The following C5 variants were observed in gnomAD, a reference collection of about 807,000 sequenced individuals.
The protein encoded by C5 is C3 and PZP-like alpha-2-macroglobulin domain-containing protein 4.
A neutral mutation model predicts 218.8 loss-of-function variants in C5; 140 were observed. The ratio of observed to expected loss-of-function variants is 0.64; its 90% CI spans 0.56 to 0.74. C5 has a LOEUF of 0.74. C5 is among the 30% of genes least tolerant of loss of function. C5 has a pLI of 0.00. For missense variants in C5, 1,700 were observed against 1,969.6 expected, an observed-to-expected ratio of 0.86 and a Z score of 2.59; for synonymous variants, 614 against 682.3, an observed-to-expected ratio of 0.90 and a Z score of 1.56.
intron 28 of C5, 142 bp downstream of exon 28, chr9:120,979,941 T>C: frequency 1.4e-6 from 1 of 715,596 alleles, no homozygotes; most frequent in Non-Finnish European, 2.5e-6. Context: ...ACGGCACACA[T>C]TACATCGTAT....
chr9:121,061,128 T>C, the C5 span, among the ~76,000 whole-genome samples: 1 of 152,052 alleles, frequency 6.6e-6, no homozygotes, highest in Non-Finnish European at 1.5e-5. Context: ...ATGGAGGTTG[T>C]AGTGAGCGGA....
chr9:120,983,180 A>G (rs1160517202), intron 25 of C5, among the ~76,000 whole-genome samples: 4 of 152,198 alleles, frequency 2.6e-5, no homozygotes, highest in African/African-American at 9.7e-5. Flanking sequence ...AAAATTCTAG[A>G]TTGTAAAATT....
At chr9:121,001,352 G>A (rs555722109) in intron 20 of C5, among the ~76,000 whole-genome samples, 16 of 152,070 alleles carry the variant, frequency 1.1e-4, no homozygotes, top group Non-Finnish European at 2.1e-4. Context: ...TAGTATATAG[G>A]ATATCATAGA....
the C5 span, among the ~76,000 whole-genome samples, chr9:121,072,804 C>T: frequency 2.6e-5 from 2 of 76,818 alleles, no homozygotes; most frequent in African/African-American, 5.4e-5. Flanking sequence ...AGACTCTGTT[C>T]AAAAAATTAA....
At chr9:121,021,095 A>C (rs2047361226) in intron 11 of C5, among the ~76,000 whole-genome samples, 1 of 152,194 alleles carries the variant, frequency 6.6e-6, no homozygotes, top group African/African-American at 2.4e-5. Flanking sequence ...GAAGACTATT[A>C]AGTGGGCTCT....
intron 36 of C5, 140 bp downstream of exon 36, chr9:120,962,531 T>C (rs1255300789): frequency 4.0e-6 from 3 of 748,084 alleles, no homozygotes; most frequent in East Asian, 2.5e-5. Flanking sequence ...TAGTTTTGAA[T>C]GTTCAAATTG....
intron 15 of C5, 49 bp from the exon 16 acceptor site, chr9:121,015,310 A>G (rs769857861): frequency 1.6e-6 from 2 of 1,277,996 alleles, no homozygotes; most frequent in South Asian, 2.4e-5. Flanking sequence ...AAGGAGATAA[A>G]ATCTCAAAAA....
chr9:121,045,053 G>A (rs1201690246), intron 2 of C5, among the ~76,000 whole-genome samples: 1 of 150,888 alleles, frequency 6.6e-6, no homozygotes, highest in Non-Finnish European at 1.5e-5. Context: ...GGGTTCAAGC[G>A]ATTCTCCTGC....
At chr9:121,073,658 C>T in the C5 span, among the ~76,000 whole-genome samples, 2 of 151,784 alleles carry the variant, frequency 1.3e-5, no homozygotes, top group Non-Finnish European at 2.9e-5. Context: ...GGATGACAAG[C>T]GTGCGCCACC....
At chr9:121,053,981 T>C (rs1209751304), upstream of C5, among the ~76,000 whole-genome samples, 2 of 152,114 alleles carry the variant, frequency 1.3e-5, no homozygotes, top group Non-Finnish European at 2.9e-5. Flanking sequence ...AGGACTAAAG[T>C]GTGTAGACTA....
intron 23 of C5, among the ~76,000 whole-genome samples, chr9:120,990,082 T>C (rs890528364): frequency 6.6e-6 from 1 of 152,186 alleles, no homozygotes; most frequent in African/African-American, 2.4e-5. Flanking sequence ...GCTTTAGACA[T>C]TATAAACCAT....
At chr9:120,979,925 T>G (rs750545400) in intron 28 of C5, among the ~76,000 whole-genome samples, 158 bp downstream of exon 28, 9 of 152,110 alleles carry the variant, frequency 5.9e-5, no homozygotes, top group Non-Finnish European at 1.0e-4. Context: ...AATAAATGAA[T>G]GAATAACGGC....
At chr9:121,065,059 G>C in the C5 span, among the ~76,000 whole-genome samples, 1 of 130,738 alleles carries the variant, frequency 7.6e-6, no homozygotes, top group Admixed American at 8.7e-5. Context: ...GACAGAGTGA[G>C]ACTCCATCTA....
At chr9:121,013,774 A>G in intron 17 of C5, 99 bp downstream of exon 17, 10 of 1,085,978 alleles carry the variant, frequency 9.2e-6, no homozygotes, top group Non-Finnish European at 1.4e-5. Context: ...TTCTACTTTC[A>G]ATTCTAAATA....
chr9:121,001,312 C>A (rs1189132388), intron 20 of C5, among the ~76,000 whole-genome samples: 2 of 151,918 alleles, frequency 1.3e-5, no homozygotes, highest in African/African-American at 4.8e-5. Context: ...AAAAGGAACT[C>A]AATGGAAAGC....
Position 120,991,076 on chromosome 9 carries a change from A to C in C5, c.2941+115T>G, listed in dbSNP as rs2047073546. ...AGGGGTGGAGCACTCCTAAAGGTAGATTTGTGTGTGCTACTGAACACGGAA... is the reference window on the plus strand; with the variant it reads ...AGGGGTGGAGCACTCCTAAAGGTAGCTTTGTGTGTGCTACTGAACACGGAA... On this transcript the variant is annotated intron_variant, in intron 23 of 40. Coordinates refer to ENST00000223642, the MANE Select transcript of C5 (RefSeq NM_001735.3). The C allele has an allele frequency of 4.1e-6, 3 of 732,244 alleles. No individual in the cohort carries two copies. The Admixed American group carries it at 6.0e-5, about 15-fold the overall frequency. The allele number at this position is 732,244 out of a possible 1,614,324, so 45.4% of individuals were successfully genotyped here.
chr9:121,074,685 G>A, the C5 span: 5 of 400,090 alleles, frequency 1.2e-5, no homozygotes, highest in Admixed American at 1.1e-4. Flanking sequence ...TCTCAGCGAA[G>A]GCCACAGCAC....
At chr9:121,031,418 A>G (rs2047473460) in intron 6 of C5, among the ~76,000 whole-genome samples, 1 of 152,194 alleles carries the variant, frequency 6.6e-6, no homozygotes, top group Non-Finnish European at 1.5e-5. Flanking sequence ...TTAAGACTCA[A>G]GTAAATCATT....
rs1295871754 is a variant in C5, at chr9:121,023,524, G to A, written c.1001-5C>T. The A allele has an allele frequency of 6.5e-7, 1 of 1,543,274 alleles. No individual in the cohort carries two copies. Among genetic ancestry groups the A allele is most frequent in the Non-Finnish European group, 9.0e-7 (1 of 1,115,374 alleles). The stretch of plus-strand genomic sequence containing the variant: ...CTGCCTCTTCAGAAAATCCACCTAA[G>A]GAAATGGCAAGCATCATGTTGACAG... On this transcript the variant is annotated splice_region_variant and splice_polypyrimidine_tract_variant and intron_variant, in intron 9 of 40. Transcript: ENST00000223642.
Sources: gnomAD v4.1 joint callset for allele counts (sites outside exome capture counted in the v4.1 genomes callset) on GRCh38, gnomAD v4.1.1 for gene constraint, MANE v1.5 for transcripts, NCBI Gene and HGNC (gene_info 2026-07-23, HGNC 2026-07-21) for gene names.